The following CD58 variants were observed in gnomAD, a reference collection of about 807,000 sequenced individuals.
CD58 encodes the protein CD58 molecule.
Under a neutral mutation model 27.6 loss-of-function variants are expected in CD58, and 14 were observed. That is an observed-to-expected ratio of 0.51 (90% confidence interval 0.34 to 0.79). The LOEUF is 0.79. Ranked by LOEUF, CD58 falls within the 30% of genes least tolerant of loss-of-function variation. The pLI is 0.02. For missense variants in CD58, 268 were observed against 301.7 expected, an observed-to-expected ratio of 0.89 and a Z score of 0.83; for synonymous variants, 117 against 103.8, an observed-to-expected ratio of 1.13 and a Z score of -0.77.
At chr1:116,551,477 C>A (rs1658388617) in intron 1 of CD58, among the ~76,000 whole-genome samples, 1 of 152,208 alleles carries the variant, frequency 6.6e-6, no homozygotes, top group South Asian at 2.1e-4. Flanking sequence ...TCAGCCTTCA[C>A]AGAACTAAAG....
rs779126536 is a variant in CD58, at chr1:116,519,223, G to A, written c.743+8C>T. 3 of 1,612,724 alleles carry A rather than the reference G, an allele frequency of 1.9e-6. No homozygotes were observed. Among genetic ancestry groups the A allele is most frequent in the South Asian group, 2.2e-5 (2 of 90,798 alleles). ...TGGCACAGAGTGCACAGCCTGCAGT[G>A]TACTTACTTGGTTCTGTCTGGTTTT... On this transcript the variant is annotated splice_region_variant and intron_variant, in intron 5 of 5. Coordinates refer to ENST00000369489, the MANE Select transcript of CD58 (RefSeq NM_001779.3). This position sits in a 1 kb window ranked among gnomAD's most constrained non-coding sequence, Gnocchi z 4.7.
rs1658612267 is a variant in CD58, at chr1:116,557,828, C to T, written c.70+13075G>A. On this transcript the variant is annotated intron_variant, in intron 1 of 5. Coordinates refer to ENST00000369489, the MANE Select transcript of CD58 (RefSeq NM_001779.3). This position sits in a 1 kb window ranked among gnomAD's most constrained non-coding sequence, Gnocchi z 5.2. ...AGCTAGAACTACAGTTGCATGCCAC[C>T]ACGCCCAGCTAATTTTTATATTTTT... 6.6e-6 allele frequency among the ~76,000 whole-genome samples: 1 copy of T among 151,920 alleles called. No individual in the cohort carries two copies. The highest frequency in any genetic ancestry group is 1.5e-5 in the Non-Finnish European group (1 of 67,998).
intron 1 of CD58, among the ~76,000 whole-genome samples, chr1:116,547,586 C>A (rs1216200148): frequency 1.3e-5 from 2 of 152,132 alleles, no homozygotes; most frequent in African/African-American, 4.8e-5. Context: ...GCCTTGGCCT[C>A]CCAAAGTGCT....
At chr1:116,558,547 T>C (rs773794824) in intron 1 of CD58, among the ~76,000 whole-genome samples, 1 of 152,234 alleles carries the variant, frequency 6.6e-6, no homozygotes, top group Non-Finnish European at 1.5e-5. Flanking sequence ...GGCTAGTAAT[T>C]GTATCAAATA....
At chr1:116,533,709 AT>A in intron 3 of CD58, 1 of 687,854 alleles carries the variant, frequency 1.5e-6, no homozygotes, top group African/African-American at 1.8e-5. Context: ...CCTCCTCTTC[AT>A]TTTCACGGTG....
Position 116,536,200 on chromosome 1 carries a change from A to G in CD58, c.393T>C (p.Cys131=). 6.2e-7 allele frequency: 1 copy of G among 1,612,612 alleles called. No homozygotes were observed. Among genetic ancestry groups the G allele is most frequent in the Non-Finnish European group, 8.5e-7 (1 of 1,178,888 alleles). The change falls in exon 3 of 6, where the codon TGT becomes TGC. Residue 131 remains cysteine, a synonymous_variant. Coordinates refer to ENST00000369489, the MANE Select transcript of CD58 (RefSeq NM_001779.3). This position sits in a 1 kb window ranked among gnomAD's most constrained non-coding sequence, Gnocchi z 5.4. ...CTTCAATGCTTCCATTAGTCAATGC[A>G]CAAGTTAGTGTGGGAGATGGAAGAG... ...LESLPSPTLT[C]ALTNGSIEVQ... is the part of the protein sequence containing the mutation.
chr1:116,526,012 T>C (rs1165173547), intron 3 of CD58, among the ~76,000 whole-genome samples: 2 of 152,226 alleles, frequency 1.3e-5, no homozygotes, highest in Non-Finnish European at 2.9e-5. Context: ...AAGTGTGTGA[T>C]GAGATCTTTG....
rs1448206421 is a variant in CD58, at chr1:116,532,420, G to T, written c.628+3545C>A. ...AGGAGAATACGGCCCTACTCTACACGGCCCTTCTGAGATGATTAGCATACA... is the reference window on the plus strand; with the variant it reads ...AGGAGAATACGGCCCTACTCTACACTGCCCTTCTGAGATGATTAGCATACA... On this transcript the variant is annotated intron_variant, in intron 3 of 5. Coordinates refer to ENST00000369489, the MANE Select transcript of CD58 (RefSeq NM_001779.3). This position sits in a 1 kb window ranked among gnomAD's most constrained non-coding sequence, Gnocchi z 5.1. 6.6e-6 allele frequency among the ~76,000 whole-genome samples: 1 copy of T among 152,176 alleles called. No homozygotes were observed. Among genetic ancestry groups the T allele is most frequent in the Non-Finnish European group, 1.5e-5 (1 of 68,040 alleles).
chr1:116,568,055 C>CAAAAAAA (rs34531651), intron 1 of CD58, among the ~76,000 whole-genome samples: 22 of 81,672 alleles, frequency 2.7e-4, no homozygotes, highest in South Asian at 5.0e-4. Context: ...CTTAAAGTAC[C>CAAAAAAA]AAAAAAAAAA....
At chr1:116,547,973 G>T (rs545950892) in intron 1 of CD58, among the ~76,000 whole-genome samples, 35 of 152,226 alleles carry the variant, frequency 2.3e-4, no homozygotes, top group African/African-American at 6.5e-4. Context: ...ATTATTTTTT[G>T]ATTTTTAAAT....
Position 116,570,866 on chromosome 1 carries a change from C to G in CD58, c.70+37G>C. ...AGCCTGGGTGCTGCCCAGTACCCGCCGGCCGGCGCGGGGCCCCTGGGGCAG... is the reference window on the plus strand; with the variant it reads ...AGCCTGGGTGCTGCCCAGTACCCGCGGGCCGGCGCGGGGCCCCTGGGGCAG... On this transcript the variant is annotated intron_variant, in intron 1 of 5. Coordinates refer to ENST00000369489, the MANE Select transcript of CD58 (RefSeq NM_001779.3). The surrounding 1 kb of genome is among the most constrained non-coding windows in gnomAD (Gnocchi z 6.4). 1 of 1,515,040 alleles carries G rather than the reference C, an allele frequency of 6.6e-7. No homozygotes were observed. The highest frequency in any genetic ancestry group is 8.9e-7 in the Non-Finnish European group (1 of 1,129,746). The allele number at this position is 1,515,040 out of a possible 1,614,324, so 93.8% of individuals were successfully genotyped here.
rs757658162 is a variant in CD58, at chr1:116,541,148, TAAGAGGAG to T, written c.364+3155_364+3162del. Among the ~76,000 whole-genome samples, 13 of 152,226 alleles carry T rather than the reference TAAGAGGAG, an allele frequency of 8.5e-5. No homozygotes were observed. The highest frequency in any genetic ancestry group is 1.8e-4 in the Non-Finnish European group (12 of 68,040). ...TTATTTTAAAACAGTTCATCAAGTT[TAAGAGGAG>T]AAATTTATTCAAATGTTTTGAATTA... On this transcript the variant is annotated intron_variant, in intron 2 of 5. Coordinates refer to ENST00000369489, the MANE Select transcript of CD58 (RefSeq NM_001779.3). The surrounding 1 kb of genome is among the most constrained non-coding windows in gnomAD (Gnocchi z 5.3).
At chr1:116,553,937 G>A (rs542575222) in intron 1 of CD58, among the ~76,000 whole-genome samples, 1 of 152,236 alleles carries the variant, frequency 6.6e-6, no homozygotes, top group East Asian at 1.9e-4. Context: ...CAAGACAAGA[G>A]TCAACATGTG....
rs1657252468 is a variant in CD58 at position 116,521,209 on chromosome 1, T to G, written c.706+697A>C. Among the ~76,000 whole-genome samples the G allele has an allele frequency of 6.6e-6, 1 of 152,204 alleles. No homozygotes were observed. The highest frequency in any genetic ancestry group is 1.5e-5 in the Non-Finnish European group (1 of 68,026). ...ACAATGGATCCTAGATACTATCACT[T>G]GTAGAAAGTTTACTCTTCGGCATTC... On this transcript the variant is annotated intron_variant, in intron 4 of 5. Coordinates refer to ENST00000369489, the MANE Select transcript of CD58 (RefSeq NM_001779.3). The surrounding 1 kb of genome is among the most constrained non-coding windows in gnomAD (Gnocchi z 5.6).
rs535688159 is a variant in CD58 at position 116,521,772 on chromosome 1, C to T, written c.706+134G>A. 6.6e-5 allele frequency: 42 copies of T among 640,764 alleles called. No homozygotes were observed. The highest frequency in any genetic ancestry group is 3.7e-4 in the African/African-American group (20 of 53,930). The allele number at this position is 640,764 out of a possible 1,614,324, so 39.7% of individuals were successfully genotyped here. On this transcript the variant is annotated intron_variant, in intron 4 of 5. Coordinates refer to ENST00000369489, the MANE Select transcript of CD58 (RefSeq NM_001779.3). The surrounding 1 kb of genome is among the most constrained non-coding windows in gnomAD (Gnocchi z 5.6). The stretch of plus-strand genomic sequence containing the variant: ...CTAGCATGCTCAGCAGTCCCACACA[C>T]GTAAAGCAAAAAAGTTTTTGTTTCT...
At chr1:116,569,339 T>C (rs111240467) in intron 1 of CD58, among the ~76,000 whole-genome samples, 189 of 152,332 alleles carry the variant, frequency 1.2e-3, no homozygotes, top group African/African-American at 4.3e-3. Flanking sequence ...GCCTTCCTCT[T>C]TGTTGCTAAC....
chr1:116,535,093 T>A (rs1332514934), intron 3 of CD58, among the ~76,000 whole-genome samples: 3 of 152,180 alleles, frequency 2.0e-5, no homozygotes, highest in Non-Finnish European at 4.4e-5. Context: ...AAAAAACAGA[T>A]AATAAAAATT....
In CD58 at chr1:116,552,455, G is replaced by A. The variant is rs1658424446; in HGVS notation, c.71-7851C>T. On this transcript the variant is annotated intron_variant, in intron 1 of 5. Coordinates refer to ENST00000369489, the MANE Select transcript of CD58 (RefSeq NM_001779.3). This position sits in a 1 kb window ranked among gnomAD's most constrained non-coding sequence, Gnocchi z 4.5. ...CAAAACATAAAGTTAGGCACTGATG[G>A]ACTTGCTTAAAGCTGGGTTGTCACG... Among the ~76,000 whole-genome samples the A allele has an allele frequency of 6.6e-6, 1 of 152,172 alleles. No individual in the cohort carries two copies. The highest frequency in any genetic ancestry group is 1.5e-5 in the Non-Finnish European group (1 of 68,024).
chr1:116,569,147 GC>G (rs1188720516), intron 1 of CD58, among the ~76,000 whole-genome samples: 1 of 152,202 alleles, frequency 6.6e-6, no homozygotes, highest in Non-Finnish European at 1.5e-5. Context: ...GACCCAAGGT[GC>G]CAGGGAATGA....
Sources: gnomAD v4.1 joint callset for allele counts (sites outside exome capture counted in the v4.1 genomes callset) on GRCh38, gnomAD v4.1.1 for gene constraint, Gnocchi (gnomAD v3.1) non-coding constraint, MANE v1.5 for transcripts, NCBI Gene and HGNC (gene_info 2026-07-23, HGNC 2026-07-21) for gene names.